The following MYO16 variants were observed in gnomAD, a reference collection of about 807,000 sequenced individuals.
The protein encoded by MYO16 is myosin XVI.
A neutral mutation model predicts 205.3 loss-of-function variants in MYO16; 94 were observed. The observed-to-expected ratio is 0.46, with a 90% confidence interval of 0.39 to 0.54. The LOEUF (loss-of-function observed/expected upper bound fraction) is 0.54, where lower values mean the gene tolerates loss of function less well. Among genes scored for constraint, MYO16 ranks in the 20% least tolerant of loss-of-function variants. The pLI, the probability that MYO16 is intolerant of heterozygous loss-of-function variation, is 0.00. For missense variants in MYO16, 2,315 were observed against 2,387.5 expected (o/e 0.97, Z 0.63); for synonymous variants, 988 against 954.0 (o/e 1.04, Z -0.66).
chr13:109,154,686 G>A (rs1877889411), intron 32 of MYO16, among the ~76,000 whole-genome samples: 1 of 151,998 alleles, frequency 6.6e-6, no homozygotes, highest in Non-Finnish European at 1.5e-5. Context: ...GGAAAGTGAG[G>A]AGGAACCATT....
chr13:108,876,807 C>T (rs1879347984), intron 12 of MYO16, among the ~76,000 whole-genome samples: 1 of 152,004 alleles, frequency 6.6e-6, no homozygotes, highest in African/African-American at 2.4e-5. Context: ...GCTGATAGTA[C>T]AGGCGTGTGC....
At chr13:108,518,554 T>C in the MYO16 span, among the ~76,000 whole-genome samples, 1 of 152,198 alleles carries the variant, frequency 6.6e-6, no homozygotes, top group Non-Finnish European at 1.5e-5. Context: ...ACTGGAAGCA[T>C]TTTTAAACTT....
At chr13:108,801,505 A>G (rs1369094047) in intron 6 of MYO16, among the ~76,000 whole-genome samples, 4 of 152,230 alleles carry the variant, frequency 2.6e-5, no homozygotes, top group Non-Finnish European at 5.9e-5. Flanking sequence ...TTTAAAATCA[A>G]TATCAAAAAT....
chr13:108,822,375 TGA>T (rs1876024369), intron 8 of MYO16, among the ~76,000 whole-genome samples: 1 of 152,106 alleles, frequency 6.6e-6, no homozygotes, highest in Non-Finnish European at 1.5e-5. Flanking sequence ...TAACTCTAAT[TGA>T]TAGACATAGG....
intron 16 of MYO16, among the ~76,000 whole-genome samples, chr13:108,936,111 TCC>T (rs1882470025): frequency 2.7e-5 from 4 of 145,478 alleles, no homozygotes. Flanking sequence ...CTTCCTTCCT[TCC>T]TTCCTTCCTT....
At chr13:108,638,819 A>T (rs1196390553) in intron 1 of MYO16, among the ~76,000 whole-genome samples, 1 of 152,180 alleles carries the variant, frequency 6.6e-6, no homozygotes, top group Non-Finnish European at 1.5e-5. Flanking sequence ...ATGAGACAAG[A>T]CAGGGAAAGG....
chr13:108,872,669 GTATT>G (rs567083148), intron 12 of MYO16, among the ~76,000 whole-genome samples: 121 of 151,124 alleles, frequency 8.0e-4, no homozygotes, highest in African/African-American at 2.8e-3. Flanking sequence ...TATGAATTAA[GTATT>G]TAATATATAA....
At chr13:108,596,170 A>C (rs1055515027), upstream of MYO16, 1 of 152,124 alleles carries the variant, frequency 6.6e-6, no homozygotes, top group Non-Finnish European at 1.5e-5. Flanking sequence ...GGAGACTTTC[A>C]GTGAAAGCAG....
chr13:108,812,180 C>T (rs890022043), intron 7 of MYO16, among the ~76,000 whole-genome samples: 3 of 152,150 alleles, frequency 2.0e-5, no homozygotes, highest in Non-Finnish European at 2.9e-5. Context: ...TCCTAATGCT[C>T]GGAATTTGCA....
intron 22 of MYO16, among the ~76,000 whole-genome samples, chr13:109,016,344 C>T (rs557677615): frequency 1.7e-4 from 26 of 152,248 alleles, no homozygotes; most frequent in Admixed American, 3.9e-4. Flanking sequence ...GTTGTGATTA[C>T]TGTTCTTTTA....
intron 4 of MYO16, among the ~76,000 whole-genome samples, chr13:108,737,599 T>C (rs1262794690): frequency 6.6e-6 from 1 of 151,938 alleles, no homozygotes; most frequent in Non-Finnish European, 1.5e-5. Context: ...CTAAAATTCT[T>C]TTTTTGTTGT....
intron 3 of MYO16, among the ~76,000 whole-genome samples, chr13:108,723,674 GATTA>G (rs537546253): frequency 7.2e-4 from 109 of 152,076 alleles, no homozygotes; most frequent in African/African-American, 2.5e-3. Flanking sequence ...ATGTTTCATT[GATTA>G]ATTTCATTTT....
intron 16 of MYO16, among the ~76,000 whole-genome samples, chr13:108,956,078 A>G (rs1012454832): frequency 1.3e-5 from 2 of 152,056 alleles, no homozygotes; most frequent in African/African-American, 2.4e-5. Context: ...CTTTATAGCT[A>G]TTATTTCTTG....
intron 20 of MYO16, among the ~76,000 whole-genome samples, chr13:108,966,174 T>G (rs1309703549): frequency 6.6e-6 from 1 of 152,156 alleles, no homozygotes; most frequent in African/African-American, 2.4e-5. Flanking sequence ...TATTGTAGTA[T>G]TTACTATGAT....
At chr13:108,666,284 G>A in intron 2 of MYO16, 135 bp downstream of exon 2, 1 of 1,014,736 alleles carries the variant, frequency 9.9e-7, no homozygotes, top group Non-Finnish European at 1.4e-6. Flanking sequence ...TCTTTTAACT[G>A]TTTGTATTAT....
chr13:108,793,657 G>T lies in MYO16; in HGVS notation c.741+17G>T. 3.1e-6 allele frequency: 5 copies of T among 1,605,930 alleles called. No individual in the cohort carries two copies. Among genetic ancestry groups the T allele is most frequent in the South Asian group, 1.1e-5 (1 of 90,240 alleles). ...GTAACCCTGGTAAGTTCATATATTT[G>T]ACTCAGAAACTATTTGAATAGAGAA... On this transcript the variant is annotated intron_variant, in intron 6 of 34. Coordinates refer to ENST00000457511, the MANE Select transcript of MYO16 (RefSeq NM_001198950.3).
chr13:108,956,648 ATTCT>A (rs1350420380), intron 16 of MYO16, among the ~76,000 whole-genome samples: 2 of 152,110 alleles, frequency 1.3e-5, no homozygotes, highest in Non-Finnish European at 2.9e-5. Flanking sequence ...TGCTTGACCA[ATTCT>A]TTCTGCTTTG....
At chr13:108,763,776 G>C (rs1194825792) in intron 4 of MYO16, among the ~76,000 whole-genome samples, 2 of 140,450 alleles carry the variant, frequency 1.4e-5, no homozygotes, top group African/African-American at 2.9e-5. Flanking sequence ...TCAGGGGAGA[G>C]AGAAAAGGAG....
intron 5 of MYO16, among the ~76,000 whole-genome samples, chr13:108,787,033 C>A (rs908254523): frequency 1.3e-5 from 2 of 152,146 alleles, no homozygotes; most frequent in African/African-American, 4.8e-5. Flanking sequence ...ATGTGGCCTG[C>A]AATTGTGAAT....
Sources: allele counts gnomAD v4.1 joint callset (sites outside exome capture counted in the v4.1 genomes callset), GRCh38; gene constraint gnomAD v4.1.1; transcripts MANE v1.5; gene names NCBI Gene and HGNC (gene_info 2026-07-23, HGNC 2026-07-21).